Variants in ASNSD1 observed in about 807,000 individuals in gnomAD.
The protein encoded by ASNSD1 is asparagine synthetase domain containing 1, also known as asparagine synthetase domain-containing protein 1.
A neutral mutation model predicts 48.3 loss-of-function variants in ASNSD1; 36 were observed. The ratio of observed to expected loss-of-function variants is 0.75; its 90% CI spans 0.57 to 0.99. The LOEUF (loss-of-function observed/expected upper bound fraction) is 0.99, where lower values mean the gene tolerates loss of function less well. Among genes scored for constraint, ASNSD1 ranks in the 50% least tolerant of loss-of-function variants. The pLI, the probability that ASNSD1 is intolerant of heterozygous loss-of-function variation, is 0.00. For missense variants in ASNSD1, 714 were observed against 758.2 expected (o/e 0.94, Z 0.69); for synonymous variants, 257 against 262.1 (o/e 0.98, Z 0.19).
rs148271409 is a variant in ASNSD1, at chr2:189,667,181, A to G, written c.1049A>G (p.Asp350Gly). 2.4e-4 allele frequency: 388 copies of G among 1,614,090 alleles called. No individual in the cohort carries two copies. The highest frequency in any genetic ancestry group is 3.1e-4 in the Non-Finnish European group (366 of 1,180,028). ...CATATTCCTTTAGATGAACCAATTG[A>G]TCTTCTTAATGTAGCTTTCATAGCT... ...DRHIPLDEPI[D>G]LLNVAFIAEE... Residue 350 changes from aspartate (D) to glycine (G), a missense_variant, in exon 4 of 6, where the codon GAT becomes GGT. Transcript: ENST00000260952.
rs1212513973 is a variant in ASNSD1, at chr2:189,666,653, C to T, written c.521C>T (p.Pro174Leu). The T allele has an allele frequency of 1.2e-6, 2 of 1,614,150 alleles. No homozygotes were observed. The highest frequency in any genetic ancestry group is 1.1e-5 in the South Asian group (1 of 91,080). ...TTGGCAAATCAGTGGCAAGAAGTTC[C>T]AGCATCTGGACTTTTCAGAATTGAT... ...SGLANQWQEV[P>L]ASGLFRIDLK... Residue 174 changes from proline to leucine, a missense_variant, in exon 4 of 6, where the codon CCA becomes CTA. Pro to Leu is a moderately conservative substitution (Grantham distance 98). Transcript: ENST00000260952.
chr2:189,663,173 A>G (rs1024237723), intron 1 of ASNSD1, among the ~76,000 whole-genome samples: 11 of 151,662 alleles, frequency 7.3e-5, no homozygotes, highest in South Asian at 4.1e-4. Flanking sequence ...TTTTAAATCT[A>G]AATCACAACT....
At position 189,661,513 on chromosome 2, in the gene ASNSD1, C is replaced by G; in HGVS notation, c.-320C>G. On this transcript the variant is annotated 5_prime_UTR_variant, in exon 1 of 6. Transcript: ENST00000260952. The stretch of plus-strand genomic sequence containing the variant: ...TGAGCCATCCCGCGTGTCTTGCGCT[C>G]GGTGGAAATGCCCAGCCGAGGGACG... The G allele has an allele frequency of 2.5e-6, 1 of 399,218 alleles. No homozygotes were observed. The highest frequency in any genetic ancestry group is 4.4e-6 in the Non-Finnish European group (1 of 226,210). 24.7% of individuals were successfully genotyped at this position (399,218 alleles called of 1,614,324 possible). A position where few individuals can be genotyped will look rare whatever the true frequency, so the allele number is the denominator to read the frequency against.
In ASNSD1 at chr2:189,667,462, C is replaced by T. The variant is rs751032682; in HGVS notation, c.1330C>T (p.Arg444Ter). Residue 444 changes from arginine to a stop codon, truncating the protein, a stop_gained, in exon 4 of 6, where the codon CGA (arginine) becomes TGA (stop). Coordinates refer to ENST00000260952, the MANE Select transcript of ASNSD1 (RefSeq NM_019048.4). LOFTEE classifies it high-confidence loss of function. Reference sequence around the variant, plus strand: ...AGAACTGCAGAAATTAAGAAGAACTCGAATATGTCACTTAATTCGGCCATT... The same window carrying T: ...AGAACTGCAGAAATTAAGAAGAACTTGAATATGTCACTTAATTCGGCCATT... Reference protein sequence around the residue: ...MEELQKLRRTRICHLIRPLDT... With the variant: ...MEELQKLRRT The T allele has an allele frequency of 6.2e-6, 10 of 1,613,962 alleles. No homozygotes were observed. The highest frequency in any genetic ancestry group is 1.3e-5 in the African/African-American group (1 of 74,888).
At chr2:189,664,490 C>T (rs1051368289) in intron 2 of ASNSD1, among the ~76,000 whole-genome samples, 6 of 152,274 alleles carry the variant, frequency 3.9e-5, no homozygotes, top group African/African-American at 7.2e-5. Flanking sequence ...TTTTAACATT[C>T]AGGAAGAAAT....
Position 189,666,165 on chromosome 2 carries a change from T to G in ASNSD1, c.33T>G (p.Ser11=). 1 of 1,593,648 alleles carries G rather than the reference T, an allele frequency of 6.3e-7. No homozygotes were observed. The highest frequency in any genetic ancestry group is 1.1e-5 in the South Asian group (1 of 86,988). Residue 11 remains serine (S), a synonymous_variant, in exon 4 of 6, where the codon TCT becomes TCG. Transcript: ENST00000260952. ...GCATTTGTTGTTCTGTAAACTTTTC[T>G]GCTGAGCATTTCAGTCAAGATTTAA... MCGICCSVNF[S]AEHFSQDLKE... is the part of the protein sequence containing the mutation.
chr2:189,666,881 A>T lies in ASNSD1; in HGVS notation c.749A>T (p.Gln250Leu). Residue 250 changes from glutamine to leucine, a missense_variant, in exon 4 of 6, where the codon CAA becomes CTA. By Grantham distance (113) the Gln-to-Leu change is moderately radical (BLOSUM62 -2). Transcript: ENST00000260952. ...GTTCCTTTAAATATGATGTTGCCAC[A>T]AGCTGCATTGGAGACTCATTGCAGT... is the stretch of plus-strand genomic sequence containing the variant. ...PVVPLNMMLPQAALETHCSNI... is the reference protein window; with the variant it reads ...PVVPLNMMLPLAALETHCSNI... The T allele has an allele frequency of 1.9e-6, 3 of 1,614,084 alleles. No homozygotes were observed. The highest frequency in any genetic ancestry group is 2.5e-6 in the Non-Finnish European group (3 of 1,180,010).
At chr2:189,664,589 G>T (rs117731715) in intron 2 of ASNSD1, among the ~76,000 whole-genome samples, 1 of 152,142 alleles carries the variant, frequency 6.6e-6, no homozygotes, top group Non-Finnish European at 1.5e-5. Flanking sequence ...AATATTAGAA[G>T]TTGAGGCACA....
In ASNSD1 at chr2:189,667,545, T is replaced by C. The variant is rs2032841428; in HGVS notation, c.1413T>C (p.Ile471=). The change falls in exon 4 of 6, where the codon ATT becomes ATC. Residue 471 remains isoleucine (I), a synonymous_variant. Transcript: ENST00000260952. Reference sequence around the variant, plus strand: ...CAGTCTGGTTTGCTTCTAGAGGAATTGGTTGGTTAGTGGCCCAGGAAGGAG... The same window carrying C: ...CAGTCTGGTTTGCTTCTAGAGGAATCGGTTGGTTAGTGGCCCAGGAAGGAG... ...GCAVWFASRG[I]GWLVAQEGVK... 1.2e-6 allele frequency: 2 copies of C among 1,613,852 alleles called. No homozygotes were observed. The highest frequency in any genetic ancestry group is 1.3e-5 in the African/African-American group (1 of 74,924).
Position 189,663,903 on chromosome 2 carries a change from T to G in ASNSD1, c.-220T>G, listed in dbSNP as rs957440882. ...GGAGTTTTTCTTTATTTCAATAGAT[T>G]AAAGAACAAAAAATTGTGGTGGATG... On this transcript the variant is annotated splice_region_variant and 5_prime_UTR_variant, in exon 2 of 6. The change creates a new upstream start codon in the 5' untranslated region. Transcript: ENST00000260952. 2.6e-6 allele frequency: 1 copy of G among 387,962 alleles called. No homozygotes were observed. Among genetic ancestry groups the G allele is most frequent in the East Asian group, 3.6e-5 (1 of 27,626 alleles). The allele number at this position is 387,962 out of a possible 1,614,324, so 24.0% of individuals were successfully genotyped here.
intron 5 of ASNSD1, 72 bp downstream of exon 5, chr2:189,668,017 G>A: frequency 2.1e-6 from 3 of 1,430,520 alleles, no homozygotes; most frequent in Non-Finnish European, 2.8e-6. Context: ...AGACTTTAAA[G>A]TTTGTTTTCT....
chr2:189,667,913 C>T lies in ASNSD1; in HGVS notation c.1614C>T (p.Asp538=). Residue 538 remains aspartate, a synonymous_variant, in exon 5 of 6, where the codon GAC becomes GAT. Coordinates refer to ENST00000260952, the MANE Select transcript of ASNSD1 (RefSeq NM_019048.4). Reference sequence around the variant, plus strand: ...CTTCTAGAAATCTTGGTCGTGATGACAGAGTTATTGGTGATCATGGAAAAG... The same window carrying T: ...CTTCTAGAAATCTTGGTCGTGATGATAGAGTTATTGGTGATCATGGAAAAG... ...RISSRNLGRD[D]RVIGDHGKEA... The T allele has an allele frequency of 6.2e-7, 1 of 1,613,140 alleles. No individual in the cohort carries two copies. Among genetic ancestry groups the T allele is most frequent in the East Asian group, 2.2e-5 (1 of 44,856 alleles).
At chr2:189,665,492 A>T (rs2032764325) in intron 3 of ASNSD1, 41 bp downstream of exon 3, 1 of 393,806 alleles carries the variant, frequency 2.5e-6, no homozygotes, top group Non-Finnish European at 4.5e-6. Flanking sequence ...GGGTGCCTAA[A>T]TTATACTCAT....
In ASNSD1 at chr2:189,667,378, C is replaced by T; in HGVS notation, c.1246C>T (p.Leu416=). Residue 416 remains leucine, a synonymous_variant, in exon 4 of 6, where the codon CTA becomes TTA. Coordinates refer to ENST00000260952, the MANE Select transcript of ASNSD1 (RefSeq NM_019048.4). ...RITGRAGLKE[L]QAVSPSRIWN... is the part of the protein sequence containing the mutation. ...CACAGGAAGGGCGGGACTAAAGGAACTACAAGCTGTTAGCCCTTCCCGAAT... is the reference window on the plus strand; with the variant it reads ...CACAGGAAGGGCGGGACTAAAGGAATTACAAGCTGTTAGCCCTTCCCGAAT... 6.2e-7 allele frequency: 1 copy of T among 1,614,178 alleles called. No homozygotes were observed. Among genetic ancestry groups the T allele is most frequent in the African/African-American group, 1.3e-5 (1 of 75,062 alleles).
rs766467501 is a variant in ASNSD1 at position 189,670,574 on chromosome 2, A to G, written c.1780A>G (p.Thr594Ala). Residue 594 changes from threonine (T) to alanine (A), a missense_variant, in exon 6 of 6, where the codon ACA becomes GCA. By Grantham distance (58) the Thr-to-Ala change is moderately conservative. Transcript: ENST00000260952. ...LRLAAVELGL[T>A]ASALLPKRAM... ...CCTTGCAGCTGTGGAACTTGGTCTT[A>G]CAGCCTCTGCTCTTCTGCCCAAACG... 23 of 1,614,024 alleles carry G rather than the reference A, an allele frequency of 1.4e-5. No individual in the cohort carries two copies. Among genetic ancestry groups the G allele is most frequent in the Non-Finnish European group, 1.5e-5 (18 of 1,180,000 alleles).
At chr2:189,665,309 G>C (rs2032759922) in intron 2 of ASNSD1, 67 bp from the exon 3 acceptor site, 1 of 385,114 alleles carries the variant, frequency 2.6e-6, no homozygotes, top group Non-Finnish European at 4.6e-6. Context: ...GTGATAATAG[G>C]GTTTAAGGAT....
rs1167196622 is a variant in ASNSD1, at chr2:189,663,193, A to C, written c.-222-708A>C. 2.6e-5 allele frequency among the ~76,000 whole-genome samples: 4 copies of C among 151,780 alleles called. 1 individual carries two copies. The South Asian group carries it at 8.3e-4, about 32-fold the overall frequency. On this transcript the variant is annotated intron_variant, in intron 1 of 5. Transcript: ENST00000260952. ...AATCTAAATCACAACTTAATTTTCA[A>C]TCTAAATCACAACTTAATTCCTTTT...
In ASNSD1 at chr2:189,667,463, G is replaced by A. The variant is rs1432628991; in HGVS notation, c.1331G>A (p.Arg444Gln). ...MEELQKLRRTRICHLIRPLDT... is the reference protein window; with the variant it reads ...MEELQKLRRTQICHLIRPLDT... ...GAACTGCAGAAATTAAGAAGAACTC[G>A]AATATGTCACTTAATTCGGCCATTG... Residue 444 changes from arginine to glutamine, a missense_variant, in exon 4 of 6, where the codon CGA becomes CAA. Coordinates refer to ENST00000260952, the MANE Select transcript of ASNSD1 (RefSeq NM_019048.4). 2 of 1,614,150 alleles carry A rather than the reference G, an allele frequency of 1.2e-6. No individual in the cohort carries two copies. Among genetic ancestry groups the A allele is most frequent in the South Asian group, 1.1e-5 (1 of 91,076 alleles).
At chr2:189,665,628 A>ATG (rs2032781116) in intron 3 of ASNSD1, among the ~76,000 whole-genome samples, 177 bp downstream of exon 3, 3 of 124,448 alleles carry the variant, frequency 2.4e-5, no homozygotes, top group African/African-American at 9.8e-5. Flanking sequence ...ATATATATAT[A>ATG]TATATATATA....
Sources: gnomAD v4.1 joint callset for allele counts (sites outside exome capture counted in the v4.1 genomes callset) on GRCh38, gnomAD v4.1.1 for gene constraint, MANE v1.5 for transcripts, NCBI Gene and HGNC (gene_info 2026-07-23, HGNC 2026-07-21) for gene names.